Variants in MDM2 observed in about 807,000 individuals in gnomAD.
MDM2 encodes the protein E3 ubiquitin-protein ligase Mdm2.
MDM2 carries 11 observed loss-of-function variants against 64.3 expected under a neutral mutation model. That is an observed-to-expected ratio of 0.17 (90% CI 0.11 to 0.28). The LOEUF (loss-of-function observed/expected upper bound fraction) is 0.28. MDM2 is among the 10% of genes least tolerant of loss of function. The pLI is 1.00. For missense variants in MDM2, 388 were observed against 577.1 expected (o/e 0.67, Z 3.36); for synonymous variants, 194 against 192.9 (o/e 1.01, Z -0.05).
At chr12:68,847,678 C>T (rs1884426163), downstream of MDM2, 1 of 151,894 alleles carries the variant, frequency 6.6e-6, no homozygotes, top group Non-Finnish European at 1.5e-5. Context: ...TGGTCTCGAT[C>T]TCCTGACCTT....
Position 68,843,249 on chromosome 12 carries a change from T to C in MDM2, c.*3400T>C, listed in dbSNP as rs1592607949. 1 of 226,784 alleles carries C rather than the reference T, an allele frequency of 4.4e-6. No homozygotes were observed. The highest frequency in any genetic ancestry group is 5.7e-5 in the Admixed American group (1 of 17,576). The allele number at this position is 226,784 out of a possible 1,614,324, so 14.0% of individuals were successfully genotyped here. On this transcript the variant is annotated 3_prime_UTR_variant, in exon 11 of 11. Transcript: ENST00000258149. ...AGTATTATGAACTCCAAATAATGCTTTGAGGACCTCCAAAGGTAAAAGTAC... is the reference window on the plus strand; with the variant it reads ...AGTATTATGAACTCCAAATAATGCTCTGAGGACCTCCAAAGGTAAAAGTAC...
intron 7 of MDM2, among the ~76,000 whole-genome samples, chr12:68,826,664 A>G (rs1458695245): frequency 1.4e-5 from 2 of 147,880 alleles, no homozygotes; most frequent in Non-Finnish European, 3.0e-5. Context: ...AAAAAAAAAA[A>G]GAAAAGAAAA....
At chr12:68,811,145 G>A (rs754522745) in intron 2 of MDM2, among the ~76,000 whole-genome samples, 48 of 152,124 alleles carry the variant, frequency 3.2e-4, no homozygotes, top group Admixed American at 3.3e-4. Context: ...GATTACAGGC[G>A]TGAATCACTG....
At position 68,813,719 on chromosome 12, in the gene MDM2, A is replaced by G. The variant is rs984227080; in HGVS notation, c.174+91A>G. On this transcript the variant is annotated intron_variant, in intron 3 of 10. Coordinates refer to ENST00000258149, the MANE Select transcript of MDM2 (RefSeq NM_002392.6). Reference sequence around the variant, plus strand: ...GACCATGTGGAGAAATTGGCCATATAGAAGGATTTTTCATTAAGCAGCAAC... The same window carrying G: ...GACCATGTGGAGAAATTGGCCATATGGAAGGATTTTTCATTAAGCAGCAAC... 11 of 884,134 alleles carry G rather than the reference A, an allele frequency of 1.2e-5. No individual in the cohort carries two copies. The Admixed American group carries it at 2.4e-4, about 19-fold the overall frequency. The allele number at this position is 884,134 out of a possible 1,614,324, so 54.8% of individuals were successfully genotyped here. A position where few individuals can be genotyped will look rare whatever the true frequency, so the allele number is the denominator to read the frequency against.
At chr12:68,811,340 T>A (rs1453121267) in intron 2 of MDM2, among the ~76,000 whole-genome samples, 5 of 152,200 alleles carry the variant, frequency 3.3e-5, no homozygotes, top group Admixed American at 3.3e-4. Flanking sequence ...TTTTCCCCAT[T>A]GAGAACAATT....
intron 2 of MDM2, among the ~76,000 whole-genome samples, chr12:68,812,077 A>C (rs1880949561): frequency 6.6e-6 from 1 of 152,118 alleles, no homozygotes; most frequent in Admixed American, 6.6e-5. Flanking sequence ...GAATTATTTT[A>C]TCTAATTTGA....
chr12:68,826,521 C>T (rs1263680859), intron 7 of MDM2, among the ~76,000 whole-genome samples: 4 of 151,510 alleles, frequency 2.6e-5, no homozygotes, highest in African/African-American at 7.3e-5. Flanking sequence ...TGGTGGCAGG[C>T]GCCTGTAATC....
At chr12:68,816,527 C>T (rs1881398350) in intron 3 of MDM2, among the ~76,000 whole-genome samples, 1 of 151,944 alleles carries the variant, frequency 6.6e-6, no homozygotes, top group South Asian at 2.1e-4. Context: ...TGTCTGCCAC[C>T]ATGCCTGGCT....
At chr12:68,824,110 G>A in intron 5 of MDM2, 1 of 431,374 alleles carries the variant, frequency 2.3e-6, no homozygotes, top group Non-Finnish European at 4.1e-6. Context: ...TGACTCTCCT[G>A]TCTCTCTGCT....
chr12:68,831,236 A>C (rs1229048196), intron 8 of MDM2, among the ~76,000 whole-genome samples: 2 of 152,204 alleles, frequency 1.3e-5, no homozygotes, highest in Non-Finnish European at 2.9e-5. Flanking sequence ...AGGCAGAAGG[A>C]AGAAGCTCCC....
chr12:68,830,143 C>T (rs779034414), intron 8 of MDM2, among the ~76,000 whole-genome samples: 3 of 151,874 alleles, frequency 2.0e-5, no homozygotes, highest in South Asian at 2.1e-4. Flanking sequence ...CTTCCAATGT[C>T]GCCCACGGAA....
At chr12:68,808,889 G>C in intron 1 of MDM2, 2 of 1,361,376 alleles carry the variant, frequency 1.5e-6, no homozygotes, top group Non-Finnish European at 1.9e-6. Context: ...GGCCGGTTCA[G>C]TGGGCAGGTT....
chr12:68,811,285 T>G (rs1880866906), intron 2 of MDM2, among the ~76,000 whole-genome samples: 1 of 152,212 alleles, frequency 6.6e-6, no homozygotes, highest in South Asian at 2.1e-4. Context: ...TCAAGTATAT[T>G]TAACTTTTGT....
intron 5 of MDM2, 101 bp downstream of exon 5, chr12:68,820,475 T>C: frequency 1.1e-6 from 1 of 913,620 alleles, no homozygotes; most frequent in Non-Finnish European, 1.7e-6. Flanking sequence ...TCTTTAAAAG[T>C]TGCTTTAATT....
chr12:68,838,974 G>T (rs1883522389), intron 10 of MDM2, among the ~76,000 whole-genome samples: 1 of 152,136 alleles, frequency 6.6e-6, no homozygotes, highest in Non-Finnish European at 1.5e-5. Flanking sequence ...CATGTAAATA[G>T]TGAAATGATC....
At position 68,808,317 on chromosome 12, in the gene MDM2, A is replaced by G; in HGVS notation, c.-161A>G. On this transcript the variant is annotated 5_prime_UTR_variant, in exon 1 of 11. Coordinates refer to ENST00000258149, the MANE Select transcript of MDM2 (RefSeq NM_002392.6). ...CCGAGATCCTGCTGCTTTCGCAGCCAGGAGCACCGTCCCTCCCCGGATTAG... is the reference window on the plus strand; with the variant it reads ...CCGAGATCCTGCTGCTTTCGCAGCCGGGAGCACCGTCCCTCCCCGGATTAG... 8 of 887,462 alleles carry G rather than the reference A, an allele frequency of 9.0e-6. No homozygotes were observed. The highest frequency in any genetic ancestry group is 1.4e-5 in the Non-Finnish European group (8 of 565,354). The allele number at this position is 887,462 out of a possible 1,614,324, so 55.0% of individuals were successfully genotyped here.
Position 68,842,877 on chromosome 12 carries a change from G to T in MDM2, c.*3028G>T. On this transcript the variant is annotated 3_prime_UTR_variant, in exon 11 of 11. Transcript: ENST00000258149. ...GCCTTATATAATGAAGCCTAGTTAT[G>T]CTGGACTGTTTTGATCTCTTTTAAT... The T allele has an allele frequency of 4.8e-6, 1 of 206,488 alleles. No individual in the cohort carries two copies. Among genetic ancestry groups the T allele is most frequent in the Non-Finnish European group, 9.9e-6 (1 of 101,108 alleles). The allele number at this position is 206,488 out of a possible 1,614,324, so 12.8% of individuals were successfully genotyped here. A position where few individuals can be genotyped will look rare whatever the true frequency, so the allele number is the denominator to read the frequency against.
rs1227074974 is a variant in MDM2, at chr12:68,841,214, A to G, written c.*1365A>G. On this transcript the variant is annotated 3_prime_UTR_variant, in exon 11 of 11. Transcript: ENST00000258149. ...AAAATACTCTTTCTAGGTTAAAAAAAAAAAGGCTCTTATATTTGGTGCTAT... is the reference window on the plus strand; with the variant it reads ...AAAATACTCTTTCTAGGTTAAAAAAGAAAAGGCTCTTATATTTGGTGCTAT... 1 of 190,262 alleles carries G rather than the reference A, an allele frequency of 5.3e-6. No homozygotes were observed. Among genetic ancestry groups the G allele is most frequent in the East Asian group, 8.4e-5 (1 of 11,968 alleles). 11.8% of individuals were successfully genotyped at this position (190,262 alleles called of 1,614,324 possible). A position where few individuals can be genotyped will look rare whatever the true frequency, so the allele number is the denominator to read the frequency against.
intron 2 of MDM2, among the ~76,000 whole-genome samples, chr12:68,810,651 C>T (rs1880802317): frequency 1.3e-5 from 2 of 151,596 alleles, no homozygotes; most frequent in Admixed American, 6.6e-5. Context: ...TTAGTAGAGA[C>T]GGGGTTTCAC....
Sources: gnomAD v4.1 joint callset for allele counts (sites outside exome capture counted in the v4.1 genomes callset) on GRCh38, gnomAD v4.1.1 for gene constraint, MANE v1.5 for transcripts, NCBI Gene and HGNC (gene_info 2026-07-23, HGNC 2026-07-21) for gene names.